The following MAN2A1 variants were observed in gnomAD, a reference collection of about 807,000 sequenced individuals.
MAN2A1 encodes the protein mannosidase alpha class 2A member 1.
MAN2A1 carries 76 observed loss-of-function variants against 142.6 expected under a neutral mutation model. The ratio of observed to expected loss-of-function variants is 0.53; its 90% CI spans 0.44 to 0.65. The LOEUF (loss-of-function observed/expected upper bound fraction) is 0.65. Ranked by LOEUF, MAN2A1 falls within the 30% of genes least tolerant of loss-of-function variation. The probability of loss-of-function intolerance (pLI) is 0.00; values close to 1 mark genes in which losing one functional copy is unlikely to be tolerated. For synonymous variants in MAN2A1, 559 were observed against 473.2 expected (o/e 1.18, Z -2.35); for missense variants, 1,311 against 1,365.1 (o/e 0.96, Z 0.62).
chr5:109,705,662 C>G (rs1751109916), intron 1 of MAN2A1, among the ~76,000 whole-genome samples: 1 of 152,200 alleles, frequency 6.6e-6, no homozygotes, highest in South Asian at 2.1e-4. Context: ...TGGCGTAAAA[C>G]AAGAAAAATG....
chr5:109,713,490 A>T (rs1751360772), intron 1 of MAN2A1, 30 bp from the exon 2 acceptor site: 1 of 1,561,084 alleles, frequency 6.4e-7, no homozygotes, highest in Middle Eastern at 1.7e-4. Flanking sequence ...TTAGTATTTC[A>T]TATAGCTGCC....
chr5:109,733,165 G>A (rs1055738900), intron 4 of MAN2A1, among the ~76,000 whole-genome samples: 5 of 152,090 alleles, frequency 3.3e-5, no homozygotes, highest in African/African-American at 1.2e-4. Context: ...CTCTCTGTTT[G>A]TCTGTTATTG....
At chr5:109,844,530 T>C (rs1277942501) in intron 17 of MAN2A1, among the ~76,000 whole-genome samples, 1 of 152,214 alleles carries the variant, frequency 6.6e-6, no homozygotes, top group African/African-American at 2.4e-5. Context: ...AGTTTATTAA[T>C]TTCCCAAGGC....
intron 16 of MAN2A1, among the ~76,000 whole-genome samples, chr5:109,841,145 T>A (rs1308556752): frequency 6.6e-6 from 1 of 152,172 alleles, no homozygotes; most frequent in African/African-American, 2.4e-5. Context: ...CTCGCACCGT[T>A]TTTAAAAAAA....
chr5:109,825,708 T>A (rs1378211632), intron 16 of MAN2A1, among the ~76,000 whole-genome samples: 1 of 151,926 alleles, frequency 6.6e-6, no homozygotes, highest in Admixed American at 6.6e-5. Context: ...CCTTTCCCCC[T>A]CTCTTCCTGT....
At chr5:109,690,854 C>CG (rs1187496329) in intron 1 of MAN2A1, among the ~76,000 whole-genome samples, 2 of 152,076 alleles carry the variant, frequency 1.3e-5, no homozygotes, top group African/African-American at 4.8e-5. Context: ...CACCTGCTGG[C>CG]GGGGGAACGG....
chr5:109,823,857 G>T lies in MAN2A1; in HGVS notation c.2566+20G>T. 1.6e-6 allele frequency: 2 copies of T among 1,214,920 alleles called. No individual in the cohort carries two copies. The highest frequency in any genetic ancestry group is 1.6e-5 in the African/African-American group (1 of 63,906). The allele number at this position is 1,214,920 out of a possible 1,614,324, so 75.3% of individuals were successfully genotyped here. A position where few individuals can be genotyped will look rare whatever the true frequency, so the allele number is the denominator to read the frequency against. On this transcript the variant is annotated intron_variant, in intron 16 of 21. Coordinates refer to ENST00000261483, the MANE Select transcript of MAN2A1 (RefSeq NM_002372.4). ...TACAGGGTAAGAAAATAGGAATGCA[G>T]TTATGAAACATATGTATTATGGTTT...
rs144506714 is a variant in MAN2A1 at position 109,792,591 on chromosome 5, A to T, written c.1943+3064A>T. 1.6e-3 allele frequency among the ~76,000 whole-genome samples: 245 copies of T among 152,248 alleles called. 1 individual carries two copies. The highest frequency in any genetic ancestry group is 5.6e-3 in the African/African-American group (232 of 41,554). On this transcript the variant is annotated intron_variant, in intron 12 of 21. Transcript: ENST00000261483. Reference sequence around the variant, plus strand: ...GTTTTAGTAGACTATTGCCTAACAAACTAATCTAAAACTTAATGTCTTAAA... The same window carrying T: ...GTTTTAGTAGACTATTGCCTAACAATCTAATCTAAAACTTAATGTCTTAAA...
intron 20 of MAN2A1, among the ~76,000 whole-genome samples, chr5:109,859,100 A>G (rs1283038084): frequency 1.3e-5 from 2 of 152,238 alleles, no homozygotes; most frequent in Admixed American, 1.3e-4. Flanking sequence ...TTGCTGAGTT[A>G]TCTCCATTTC....
intron 3 of MAN2A1, among the ~76,000 whole-genome samples, chr5:109,724,770 G>A (rs1751697934): frequency 6.6e-6 from 1 of 152,096 alleles, no homozygotes; most frequent in East Asian, 1.9e-4. Flanking sequence ...TGCCTTCTTA[G>A]GGATGGGTGT....
chr5:109,781,665 T>G, intron 9 of MAN2A1, 67 bp downstream of exon 9: 1 of 1,057,084 alleles, frequency 9.5e-7, no homozygotes. Context: ...TTTTGTAGAG[T>G]TTTACGTAAT....
At chr5:109,754,293 G>A (rs1011165932) in intron 4 of MAN2A1, among the ~76,000 whole-genome samples, 1 of 151,850 alleles carries the variant, frequency 6.6e-6, no homozygotes, top group South Asian at 2.1e-4. Context: ...TTCTTCTCAG[G>A]GGAAAGTATC....
chr5:109,763,110 C>A (rs1380688828), intron 5 of MAN2A1, among the ~76,000 whole-genome samples: 1 of 152,168 alleles, frequency 6.6e-6, no homozygotes, highest in African/African-American at 2.4e-5. Flanking sequence ...CTTCAAATCT[C>A]CTGGTTTTTG....
At chr5:109,760,666 C>G (rs997484252) in intron 5 of MAN2A1, among the ~76,000 whole-genome samples, 1 of 152,140 alleles carries the variant, frequency 6.6e-6, no homozygotes. Context: ...TTAATGATCG[C>G]TTTTCTAACT....
rs74939225 is a variant in MAN2A1 at position 109,761,515 on chromosome 5, C to T, written c.836-6020C>T. On this transcript the variant is annotated intron_variant, in intron 5 of 21. Transcript: ENST00000261483. Reference sequence around the variant, plus strand: ...TCCGTGGATGTGACAGCAGTTTGTTCAGTTAAAAAGTCATTGACTTCCTGG... The same window carrying T: ...TCCGTGGATGTGACAGCAGTTTGTTTAGTTAAAAAGTCATTGACTTCCTGG... Among the ~76,000 whole-genome samples, 976 of 152,102 alleles carry T rather than the reference C, an allele frequency of 6.4e-3. 12 individuals are homozygous for T. Among genetic ancestry groups the T allele is most frequent in the African/African-American group, 0.022 (919 of 41,530 alleles).
chr5:109,767,842 G>A (rs563579659), intron 6 of MAN2A1, 134 bp downstream of exon 6: 38 of 670,308 alleles, frequency 5.7e-5, no homozygotes, highest in Non-Finnish European at 4.0e-5. Context: ...AGTCACTCTC[G>A]TAATTATTTT....
intron 7 of MAN2A1, among the ~76,000 whole-genome samples, chr5:109,771,989 C>G (rs758842686): frequency 6.6e-6 from 1 of 152,058 alleles, no homozygotes; most frequent in Non-Finnish European, 1.5e-5. Flanking sequence ...AACAATTGCC[C>G]CTCAGGATGA....
intron 12 of MAN2A1, among the ~76,000 whole-genome samples, chr5:109,812,605 A>G (rs759398634): frequency 1.5e-4 from 23 of 152,108 alleles, no homozygotes; most frequent in Non-Finnish European, 2.8e-4. Context: ...GATTTTTTTA[A>G]TATGTTGTCA....
rs941108563 is a variant in MAN2A1, at chr5:109,788,961, GA to G, written c.1790del (p.Lys597ArgfsTer2). On this transcript the variant is annotated frameshift_variant, in exon 11 of 22. Transcript: ENST00000261483. LOFTEE classifies it high-confidence loss of function. Reference sequence around the variant, plus strand: ...TTTTTCATTCGTTAATGGTTTTGGAGAAGATAATTGGAAATTCTGCATTTCT... The same window carrying G: ...TTTTTCATTCGTTAATGGTTTTGGAGAGATAATTGGAAATTCTGCATTTCT... ...RLFHSLMVLEKIIGNSAFLLI... is the reference protein window; with the variant it reads ...RLFHSLMVLEXIIGNSAFLLI... 6.3e-7 allele frequency: 1 copy of G among 1,595,036 alleles called. No homozygotes were observed. The highest frequency in any genetic ancestry group is 8.6e-7 in the Non-Finnish European group (1 of 1,164,532).
Sources: gnomAD v4.1 joint callset for allele counts (sites outside exome capture counted in the v4.1 genomes callset) on GRCh38, gnomAD v4.1.1 for gene constraint, MANE v1.5 for transcripts, NCBI Gene and HGNC (gene_info 2026-07-23, HGNC 2026-07-21) for gene names.